SEMA6D: variants seen among roughly 807,000 people sequenced by gnomAD.
The protein encoded by SEMA6D is semaphorin 6D, also known as semaphorin-6D.
SEMA6D carries 35 observed loss-of-function variants against 106.6 expected under a neutral mutation model. The ratio of observed to expected loss-of-function variants is 0.33; its 90% CI spans 0.25 to 0.44. SEMA6D has a LOEUF of 0.44. SEMA6D is among the 20% of genes least tolerant of loss of function. The pLI is 1.00. For missense variants in SEMA6D, 1,185 were observed against 1,345.9 expected, an observed-to-expected ratio of 0.88 and a Z score of 1.87; for synonymous variants, 499 against 487.7, an observed-to-expected ratio of 1.02 and a Z score of -0.31.
In SEMA6D at chr15:47,464,092, G is replaced by A. The variant is rs551764387; in HGVS notation, c.-158-6382G>A. On this transcript the variant is annotated intron_variant, in intron 2 of 19. Transcript: ENST00000558014. The stretch of plus-strand genomic sequence containing the variant: ...CTCATTCACATATTTTGCTATATAA[G>A]GTAATATTCACAGGTTTCAGGGGTT... Among the ~76,000 whole-genome samples the A allele has an allele frequency of 3.3e-5, 5 of 152,184 alleles. No individual in the cohort carries two copies. The South Asian group carries it at 1.0e-3, about 32-fold the overall frequency.
chr15:47,485,791 T>C (rs2043280392), intron 3 of SEMA6D, among the ~76,000 whole-genome samples: 1 of 152,192 alleles, frequency 6.6e-6, no homozygotes. Flanking sequence ...GGCACCACTC[T>C]CTACAGTGCA....
chr15:47,733,911 G>A (rs2080294250), intron 1 of SEMA6D, among the ~76,000 whole-genome samples: 1 of 152,100 alleles, frequency 6.6e-6, no homozygotes, highest in Non-Finnish European at 1.5e-5. Flanking sequence ...TATTTGGATG[G>A]CTACTTCTAA....
rs1032404251 is a variant in SEMA6D at position 47,390,233 on chromosome 15, A to G, written c.-238-22160A>G. Among the ~76,000 whole-genome samples the G allele has an allele frequency of 2.0e-5, 3 of 152,148 alleles. No individual in the cohort carries two copies. In the East Asian group the frequency reaches 5.8e-4, roughly 29 times the overall value. ...CCTCATTGTCCTGCTACCAGTGGAC[A>G]ATCTAGTATATGGTCTTTCACCACA... On this transcript the variant is annotated intron_variant, in intron 1 of 19. Transcript: ENST00000558014.
intron 4 of SEMA6D, among the ~76,000 whole-genome samples, chr15:47,632,482 G>A (rs1312062680): frequency 6.7e-6 from 1 of 148,712 alleles, no homozygotes; most frequent in African/African-American, 2.4e-5. Context: ...TGTTTTATAT[G>A]TACACATTTA....
Position 47,771,245 on chromosome 15 carries a change from A to G in SEMA6D, c.2682A>G (p.Lys894=). 2.5e-6 allele frequency: 4 copies of G among 1,614,032 alleles called. No individual in the cohort carries two copies. The highest frequency in any genetic ancestry group is 3.4e-6 in the Non-Finnish European group (4 of 1,179,980). Residue 894 remains lysine, a synonymous_variant, in exon 19 of 19, where the codon AAA becomes AAG. Transcript: ENST00000536845. ...KHLNDPNSNP[K]AIMGDIQMAH... Reference sequence around the variant, plus strand: ...TGAATGACCCAAATAGTAACCCCAAAGCCATCATGGGAGACATCCAGATGG... The same window carrying G: ...TGAATGACCCAAATAGTAACCCCAAGGCCATCATGGGAGACATCCAGATGG...
chr15:47,273,927 CCTG>C (rs2034680963), intron 1 of SEMA6D, among the ~76,000 whole-genome samples: 1 of 152,146 alleles, frequency 6.6e-6, no homozygotes, highest in Non-Finnish European at 1.5e-5. Flanking sequence ...GACTATTCTA[CCTG>C]CTGTTTTTTT....
chr15:47,738,319 A>G (rs1400981885), intron 1 of SEMA6D, among the ~76,000 whole-genome samples: 1 of 152,190 alleles, frequency 6.6e-6, no homozygotes, highest in Non-Finnish European at 1.5e-5. Context: ...GTCCCTGCAA[A>G]GGACATGATC....
intron 1 of SEMA6D, among the ~76,000 whole-genome samples, chr15:47,409,182 T>G (rs1198922769): frequency 6.6e-6 from 1 of 152,218 alleles, no homozygotes. Context: ...CAGCTTTTTC[T>G]TGCCTATCGT....
At chr15:47,573,591 T>C (rs894451299) in intron 3 of SEMA6D, among the ~76,000 whole-genome samples, 9 of 152,218 alleles carry the variant, frequency 5.9e-5, no homozygotes, top group Non-Finnish European at 1.3e-4. Flanking sequence ...TTGAGTCTCA[T>C]GGAGACAACG....
chr15:47,358,971 G>A (rs647488), intron 1 of SEMA6D, among the ~76,000 whole-genome samples: 129,677 of 152,086 alleles, frequency 0.85, 55,485 homozygotes, highest in South Asian at 0.89. Context: ...GGCTTTTCAC[G>A]CTCATACTGA....
intron 1 of SEMA6D, among the ~76,000 whole-genome samples, chr15:47,391,811 C>T (rs1354270286): frequency 6.6e-6 from 1 of 152,060 alleles, no homozygotes; most frequent in Non-Finnish European, 1.5e-5. Context: ...GAAAGAAAGA[C>T]AAGTTTGATA....
At chr15:47,721,514 C>G (rs1433265237) in intron 1 of SEMA6D, among the ~76,000 whole-genome samples, 1 of 152,184 alleles carries the variant, frequency 6.6e-6, no homozygotes, top group African/African-American at 2.4e-5. Context: ...TCCCATGACA[C>G]ACGGAGAGAA....
At chr15:47,737,173 G>A (rs1032222614) in intron 1 of SEMA6D, among the ~76,000 whole-genome samples, 1 of 152,100 alleles carries the variant, frequency 6.6e-6, no homozygotes, top group South Asian at 2.1e-4. Context: ...TGATTTCTTA[G>A]GGTACACCCA....
intron 4 of SEMA6D, among the ~76,000 whole-genome samples, chr15:47,642,437 G>C (rs1164629483): frequency 1.3e-5 from 2 of 151,698 alleles, no homozygotes; most frequent in Non-Finnish European, 2.9e-5. Context: ...GACAGAAACA[G>C]ATGCACACAC....
intron 3 of SEMA6D, among the ~76,000 whole-genome samples, chr15:47,484,629 C>T (rs1567112716): frequency 6.6e-6 from 1 of 152,034 alleles, no homozygotes; most frequent in African/African-American, 2.4e-5. Flanking sequence ...TATTTTATCC[C>T]CTAATCAGAG....
At chr15:47,254,331 G>GTA (rs3050479) in intron 1 of SEMA6D, among the ~76,000 whole-genome samples, 30,821 of 139,044 alleles carry the variant, frequency 0.22, 3,381 homozygotes, top group Middle Eastern at 0.34. Context: ...GTGTGTGTGT[G>GTA]TATATATATA....
At chr15:47,623,335 C>T (rs1326037682) in intron 4 of SEMA6D, among the ~76,000 whole-genome samples, 1 of 152,180 alleles carries the variant, frequency 6.6e-6, no homozygotes, top group East Asian at 1.9e-4. Flanking sequence ...GTGCTTATTT[C>T]TGTGCTAGTT....
chr15:47,229,603 C>T (rs2032045616), intron 1 of SEMA6D, among the ~76,000 whole-genome samples: 1 of 150,116 alleles, frequency 6.7e-6, no homozygotes, highest in African/African-American at 2.4e-5. Flanking sequence ...GCATACTGTT[C>T]ACTTCTGCAT....
In SEMA6D at chr15:47,764,162, C is replaced by T. The variant is rs1250894025; in HGVS notation, c.966-12C>T. ...TCGCCAGCCTCTTCCTGATGATTTT[C>T]TTCCTTTTCAGCATCCCTGGTTCTG... On this transcript the variant is annotated splice_polypyrimidine_tract_variant and intron_variant, in intron 10 of 18. Coordinates refer to ENST00000536845, the MANE Select transcript of SEMA6D (RefSeq NM_001358351.3). 6.2e-7 allele frequency: 1 copy of T among 1,613,004 alleles called. No individual in the cohort carries two copies. The highest frequency in any genetic ancestry group is 1.3e-5 in the African/African-American group (1 of 74,810).
Sources: allele counts gnomAD v4.1 joint callset (sites outside exome capture counted in the v4.1 genomes callset), GRCh38; gene constraint gnomAD v4.1.1; transcripts MANE v1.5; gene names NCBI Gene and HGNC (gene_info 2026-07-23, HGNC 2026-07-21).